The following NEDD9 variants were observed in gnomAD, a reference collection of about 807,000 sequenced individuals.
The protein encoded by NEDD9 is neural precursor cell expressed, developmentally down-regulated 9, also known as enhancer of filamentation 1.
In NEDD9, 26 loss-of-function variants were observed where a neutral mutation model predicts 76.6. The ratio of observed to expected loss-of-function variants is 0.34; its 90% CI spans 0.25 to 0.47. NEDD9 has a LOEUF of 0.47. Ranked by LOEUF, NEDD9 falls within the 20% of genes least tolerant of loss-of-function variation. NEDD9 has a pLI of 1.00. For synonymous variants in NEDD9, 392 were observed against 414.2 expected (o/e 0.95, Z 0.65); for missense variants, 937 against 1,058.5 (o/e 0.89, Z 1.59).
At chr6:11,279,678 T>C (rs748361926) in intron 3 of NEDD9, among the ~76,000 whole-genome samples, 7 of 152,154 alleles carry the variant, frequency 4.6e-5, no homozygotes, top group Non-Finnish European at 8.8e-5. Context: ...TCGCAGGATA[T>C]CAAGGGTGGC....
chr6:11,297,128 T>C (rs535611905), intron 3 of NEDD9, among the ~76,000 whole-genome samples: 1 of 132,960 alleles, frequency 7.5e-6, no homozygotes, highest in East Asian at 3.3e-4. Flanking sequence ...GTTTAATTTG[T>C]TTTGTTTTTT....
chr6:11,255,663 A>T (rs1759989086), intron 3 of NEDD9, among the ~76,000 whole-genome samples: 1 of 151,986 alleles, frequency 6.6e-6, no homozygotes, highest in African/African-American at 2.4e-5. Flanking sequence ...TCCTTAACAG[A>T]CCCCAAAAGG....
At chr6:11,191,266 C>G in intron 4 of NEDD9, 61 bp from the exon 5 acceptor site, 2 of 1,505,168 alleles carry the variant, frequency 1.3e-6, no homozygotes, top group Non-Finnish European at 1.8e-6. Flanking sequence ...AACCTGTGGT[C>G]CCATGTGCTC....
chr6:11,259,718 C>T lies in NEDD9; in HGVS notation c.13-45991G>A, dbSNP rs576092262. 1.6e-4 allele frequency among the ~76,000 whole-genome samples: 24 copies of T among 152,228 alleles called. No individual in the cohort carries two copies. The South Asian group carries it at 4.8e-3, about 30-fold the overall frequency. On this transcript the variant is annotated intron_variant, in intron 3 of 3. Coordinates refer to the NEDD9 transcript ENST00000397378. ...TTGGAGTTAGAGAAACAAATTGTAT[C>T]TTTAGGAACAATAGATATAATTTCT...
At chr6:11,312,216 C>T (rs1300568138) in intron 2 of NEDD9, among the ~76,000 whole-genome samples, 1 of 152,166 alleles carries the variant, frequency 6.6e-6, no homozygotes, top group African/African-American at 2.4e-5. Context: ...AAAAGACACA[C>T]CCCATCTGTT....
intron 1 of NEDD9, among the ~76,000 whole-genome samples, chr6:11,345,623 G>A (rs543436974): frequency 6.6e-6 from 1 of 152,274 alleles, no homozygotes; most frequent in South Asian, 2.1e-4. Flanking sequence ...TACAAGATGG[G>A]AACTGCTCTT....
chr6:11,275,667 G>A (rs948332587), intron 3 of NEDD9, among the ~76,000 whole-genome samples: 1 of 152,168 alleles, frequency 6.6e-6, no homozygotes, highest in Non-Finnish European at 1.5e-5. Context: ...AGCAAGCTCA[G>A]CACTTTGTCA....
intron 3 of NEDD9, among the ~76,000 whole-genome samples, chr6:11,265,336 G>A (rs750401251): frequency 1.8e-4 from 28 of 152,210 alleles, no homozygotes; most frequent in Non-Finnish European, 3.5e-4. Context: ...ATTTCTGTGT[G>A]GTTTCAGGTG....
At chr6:11,340,174 T>C (rs1340528165) in intron 1 of NEDD9, among the ~76,000 whole-genome samples, 1 of 152,220 alleles carries the variant, frequency 6.6e-6, no homozygotes, top group African/African-American at 2.4e-5. Flanking sequence ...TCCCTCCTTA[T>C]GCAAGAGCTG....
intron 1 of NEDD9, among the ~76,000 whole-genome samples, chr6:11,351,852 T>C (rs1202812399): frequency 6.6e-6 from 1 of 152,244 alleles, no homozygotes; most frequent in Admixed American, 6.5e-5. Context: ...TCCTTCATTA[T>C]AGGGGCCTCA....
intron 2 of NEDD9, among the ~76,000 whole-genome samples, chr6:11,325,763 C>T (rs1761912966): frequency 6.6e-6 from 1 of 152,108 alleles, no homozygotes; most frequent in Admixed American, 6.5e-5. Flanking sequence ...ACTGGCAAAC[C>T]TTTTAATGAA....
intron 3 of NEDD9, among the ~76,000 whole-genome samples, chr6:11,262,575 C>G (rs1360569926): frequency 6.6e-6 from 1 of 152,208 alleles, no homozygotes; most frequent in East Asian, 1.9e-4. Flanking sequence ...GGAAATATGA[C>G]TATTCTGGAA....
chr6:11,381,621 C>T (rs1024852535), intron 1 of NEDD9, among the ~76,000 whole-genome samples: 3 of 152,170 alleles, frequency 2.0e-5, no homozygotes, highest in Admixed American at 1.3e-4. Flanking sequence ...TTGTCCTCAG[C>T]CCCTTGGAGA....
At chr6:11,231,727 T>A (rs1239198662) in intron 1 of NEDD9, among the ~76,000 whole-genome samples, 1 of 152,094 alleles carries the variant, frequency 6.6e-6, no homozygotes, top group Non-Finnish European at 1.5e-5. Context: ...GAGGGGGGAA[T>A]ATACGGAGCA....
intron 1 of NEDD9, among the ~76,000 whole-genome samples, chr6:11,222,972 G>A (rs1001782115): frequency 6.6e-6 from 1 of 152,234 alleles, no homozygotes; most frequent in Admixed American, 6.5e-5. Context: ...TCCCCTCTGG[G>A]TACGGGCAAT....
In NEDD9 at chr6:11,188,242, G is replaced by T. The variant is rs769860826; in HGVS notation, c.1971C>A (p.Asn657Lys). 3 of 1,613,940 alleles carry T rather than the reference G, an allele frequency of 1.9e-6. No homozygotes were observed. The highest frequency in any genetic ancestry group is 1.7e-5 in the Admixed American group (1 of 60,002). ...LLEKENIMKQ[N>K]KMQLEHHQLS... is the part of the protein sequence containing the mutation. Reference sequence around the variant, plus strand: ...CCTGATGATGTTCCAGCTGCATCTTGTTCTGTTTCATGATATTCTCTTTTT... The same window carrying T: ...CCTGATGATGTTCCAGCTGCATCTTTTTCTGTTTCATGATATTCTCTTTTT... Residue 657 changes from asparagine to lysine, a missense_variant, in exon 6 of 7, where the codon AAC becomes AAA. Physicochemically the swap from Asn to Lys is moderately conservative, Grantham distance 94 (BLOSUM62 0). Transcript: ENST00000379446.
intron 3 of NEDD9, among the ~76,000 whole-genome samples, chr6:11,238,712 C>T (rs989266976): frequency 6.6e-6 from 1 of 152,184 alleles, no homozygotes; most frequent in Non-Finnish European, 1.5e-5. Context: ...CTCCAATCTT[C>T]CTCTGTATCT....
rs1026485075 is a variant in NEDD9 at position 11,252,184 on chromosome 6, T to A, written c.13-38457A>T. Among the ~76,000 whole-genome samples the A allele has an allele frequency of 3.3e-4, 50 of 152,334 alleles. No homozygotes were observed. The highest frequency in any genetic ancestry group is 1.2e-3 in the African/African-American group (49 of 41,572). ...TCATTTCATGTCTGTCCTGGGGCTC[T>A]TAGCTATGCCAGCAGAGCCCTCTGG... is the stretch of plus-strand genomic sequence containing the variant. On this transcript the variant is annotated intron_variant, in intron 3 of 3. Coordinates refer to the NEDD9 transcript ENST00000397378. The surrounding 1 kb of genome is among the most constrained non-coding windows in gnomAD (Gnocchi z 4.3).
chr6:11,226,968 C>A (rs1310550152), intron 1 of NEDD9, among the ~76,000 whole-genome samples: 1 of 152,170 alleles, frequency 6.6e-6, no homozygotes, highest in Non-Finnish European at 1.5e-5. Flanking sequence ...GGATCTGAAA[C>A]AAAGCCCATG....
Sources: gnomAD v4.1 joint callset for allele counts (sites outside exome capture counted in the v4.1 genomes callset) on GRCh38, gnomAD v4.1.1 for gene constraint, Gnocchi (gnomAD v3.1) non-coding constraint, MANE v1.5 for transcripts, NCBI Gene and HGNC (gene_info 2026-07-23, HGNC 2026-07-21) for gene names.